The following KIF16B variants were observed in gnomAD, a reference collection of about 807,000 sequenced individuals.
The protein encoded by KIF16B is kinesin family member 16B.
A neutral mutation model predicts 156.3 loss-of-function variants in KIF16B; 98 were observed. The observed-to-expected ratio is 0.63, with a 90% CI of 0.53 to 0.74. The LOEUF (loss-of-function observed/expected upper bound fraction) is 0.74. KIF16B is among the 30% of genes least tolerant of loss of function. The pLI is 0.00. For synonymous variants in KIF16B, 564 were observed against 583.7 expected, an observed-to-expected ratio of 0.97 and a Z score of 0.49; for missense variants, 1,421 against 1,606.5, an observed-to-expected ratio of 0.88 and a Z score of 1.97.
intron 3 of KIF16B, among the ~76,000 whole-genome samples, chr20:16,524,188 C>G (rs758355580): frequency 2.0e-5 from 3 of 152,136 alleles, no homozygotes; most frequent in Non-Finnish European, 2.9e-5. Flanking sequence ...TCTAATTAAA[C>G]TAAAGAGCTT....
chr20:16,451,723 T>G (rs367999684), intron 12 of KIF16B, among the ~76,000 whole-genome samples: 35 of 152,286 alleles, frequency 2.3e-4, no homozygotes, highest in African/African-American at 8.2e-4. Flanking sequence ...AGATTATATA[T>G]CCAATACACG....
rs945168813 is a variant in KIF16B, at chr20:16,370,194, T to A, written c.3498+392A>T. On this transcript the variant is annotated intron_variant, in intron 22 of 25. Transcript: ENST00000354981. ...ACAATCCACCAGAGAAACAAGTTAA[T>A]CAATCAAGAGTATTTCCTTTATACT... Among the ~76,000 whole-genome samples the A allele has an allele frequency of 2.6e-5, 4 of 152,286 alleles. No homozygotes were observed. The East Asian group carries it at 7.7e-4, about 29-fold the overall frequency.
chr20:16,494,468 C>T lies in KIF16B; in HGVS notation c.1243-118G>A, dbSNP rs376923914. 68 of 586,270 alleles carry T rather than the reference C, an allele frequency of 1.2e-4. No homozygotes were observed. In the South Asian group the frequency reaches 1.3e-3, roughly 11 times the overall value. The allele number at this position is 586,270 out of a possible 1,614,324, so 36.3% of individuals were successfully genotyped here. Reference sequence around the variant, plus strand: ...TACTATAATTTTTTAAATGAGATCGCGACTTTTACCCCTGAAAGAACCATC... The same window carrying T: ...TACTATAATTTTTTAAATGAGATCGTGACTTTTACCCCTGAAAGAACCATC... On this transcript the variant is annotated intron_variant, in intron 11 of 25. Transcript: ENST00000354981.
intron 12 of KIF16B, 73 bp downstream of exon 12, chr20:16,494,217 AT>A: frequency 3.5e-6 from 3 of 853,350 alleles, no homozygotes; most frequent in Admixed American, 2.8e-5. Flanking sequence ...ATGTTTGGAG[AT>A]TAAAAAAAAA....
At chr20:16,562,205 C>T (rs937858908) in intron 1 of KIF16B, among the ~76,000 whole-genome samples, 1 of 152,092 alleles carries the variant, frequency 6.6e-6, no homozygotes, top group Non-Finnish European at 1.5e-5. Context: ...GTATTCTGCC[C>T]TATAAACTGT....
chr20:16,464,590 A>G (rs776956702), intron 12 of KIF16B, among the ~76,000 whole-genome samples: 2 of 152,198 alleles, frequency 1.3e-5, no homozygotes, highest in Non-Finnish European at 2.9e-5. Context: ...CCAACTTATA[A>G]ACAGTCAAGG....
intron 21 of KIF16B, 51 bp downstream of exon 21, chr20:16,371,614 A>G: frequency 1.7e-6 from 2 of 1,166,402 alleles, no homozygotes; most frequent in Non-Finnish European, 2.5e-6. Flanking sequence ...AAAGGAAAAA[A>G]GAAAGATGAA....
At chr20:16,539,314 T>C (rs2070103890) in intron 1 of KIF16B, among the ~76,000 whole-genome samples, 1 of 152,186 alleles carries the variant, frequency 6.6e-6, no homozygotes, top group South Asian at 2.1e-4. Context: ...CTGATAGTGA[T>C]ACAAACAGTG....
intron 12 of KIF16B, among the ~76,000 whole-genome samples, chr20:16,444,620 T>C (rs1487553288): frequency 6.6e-6 from 1 of 152,252 alleles, no homozygotes; most frequent in Admixed American, 6.5e-5. Flanking sequence ...CTCTGCATTA[T>C]GCATACATGT....
At chr20:16,328,705 C>G (rs1376969877) in intron 24 of KIF16B, among the ~76,000 whole-genome samples, 2 of 152,138 alleles carry the variant, frequency 1.3e-5, no homozygotes, top group East Asian at 3.9e-4. Flanking sequence ...CAGAAATTTA[C>G]TGCTCACAGT....
At chr20:16,432,200 C>T (rs1174425761) in intron 12 of KIF16B, among the ~76,000 whole-genome samples, 2 of 152,066 alleles carry the variant, frequency 1.3e-5, no homozygotes, top group Admixed American at 1.3e-4. Context: ...AGACAAATTC[C>T]AGAAGGTTGA....
At chr20:16,289,329 T>A (rs35281214) in intron 25 of KIF16B, among the ~76,000 whole-genome samples, 5 of 152,202 alleles carry the variant, frequency 3.3e-5, no homozygotes, top group African/African-American at 1.2e-4. Flanking sequence ...ATACTGTCTA[T>A]ATAACTTTGT....
chr20:16,515,744 T>G (rs951442407), intron 3 of KIF16B, 80 bp from the exon 4 acceptor site: 2 of 756,038 alleles, frequency 2.6e-6, no homozygotes, highest in East Asian at 2.6e-5. Context: ...ACAATGTTCT[T>G]GAATGATACT....
rs975212896 is a variant in KIF16B, at chr20:16,573,386, C to G, written c.-111G>C. 14 of 1,184,170 alleles carry G rather than the reference C, an allele frequency of 1.2e-5. No homozygotes were observed. The highest frequency in any genetic ancestry group is 1.3e-5 in the Non-Finnish European group (11 of 833,508). 73.4% of individuals were successfully genotyped at this position (1,184,170 alleles called of 1,614,324 possible). A position where few individuals can be genotyped will look rare whatever the true frequency, so the allele number is the denominator to read the frequency against. On this transcript the variant is annotated 5_prime_UTR_variant, in exon 1 of 26. Coordinates refer to ENST00000354981, the MANE Select transcript of KIF16B (RefSeq NM_024704.5). ...CCCGCCCACTTCCCTCTCGCCCCCG[C>G]CCCTCTGCTCCCGGCCGGACCTGGA... is the stretch of plus-strand genomic sequence containing the variant.
intron 12 of KIF16B, 71 bp downstream of exon 12, chr20:16,494,220 A>C: frequency 2.1e-5 from 3 of 144,342 alleles, no homozygotes; most frequent in Non-Finnish European, 4.1e-5. Context: ...TTTGGAGATT[A>C]AAAAAAAAAA....
intron 22 of KIF16B, chr20:16,368,038 G>C: frequency 7.1e-7 from 1 of 1,400,060 alleles, no homozygotes; most frequent in Admixed American, 3.0e-5. Context: ...CGCTGGTTGA[G>C]GGTCAGGTGC....
At position 16,508,095 on chromosome 20, in the gene KIF16B, A is replaced by G; in HGVS notation, c.562T>C (p.Ser188Pro). The change falls in exon 7 of 26, where the codon TCC (serine) becomes CCC (proline). Residue 188 changes from serine (S) to proline (P), a missense_variant. By Grantham distance (74) the Ser-to-Pro change is moderately conservative. Coordinates refer to ENST00000354981, the MANE Select transcript of KIF16B (RefSeq NM_024704.5). ...PKEGPYVEDL[S>P]KHLVQNYGDV... Reference sequence around the variant, plus strand: ...CCATAATTCTGTACTAAATGTTTGGATAAATCTGAAAAAGAAAATGGAAGG... The same window carrying G: ...CCATAATTCTGTACTAAATGTTTGGGTAAATCTGAAAAAGAAAATGGAAGG... 6.2e-7 allele frequency: 1 copy of G among 1,613,946 alleles called. No individual in the cohort carries two copies. Among genetic ancestry groups the G allele is most frequent in the South Asian group, 1.1e-5 (1 of 91,022 alleles).
chr20:16,535,633 A>AT (rs1308607608), intron 1 of KIF16B, among the ~76,000 whole-genome samples: 4 of 152,158 alleles, frequency 2.6e-5, no homozygotes, highest in African/African-American at 7.2e-5. Context: ...GGTTTGTCAT[A>AT]TATAGTCTTT....
intron 23 of KIF16B, among the ~76,000 whole-genome samples, 157 bp downstream of exon 23, chr20:16,356,173 A>G (rs188134185): frequency 6.6e-6 from 1 of 152,342 alleles, no homozygotes; most frequent in African/African-American, 2.4e-5. Context: ...GTTACAGTCA[A>G]GAGTTTTACA....
Sources: allele counts gnomAD v4.1 joint callset (sites outside exome capture counted in the v4.1 genomes callset), GRCh38; gene constraint gnomAD v4.1.1; transcripts MANE v1.5; gene names NCBI Gene and HGNC (gene_info 2026-07-23, HGNC 2026-07-21).